Variants in VAT1L observed in about 807,000 individuals in gnomAD.
The protein encoded by VAT1L is vesicle amine transport 1 like.
In VAT1L, 34 loss-of-function variants were observed where a neutral mutation model predicts 44.1. The observed-to-expected ratio is 0.77, with a 90% CI of 0.59 to 1.03. VAT1L has a LOEUF of 1.03. Ranked by LOEUF, VAT1L falls within the 50% of genes least tolerant of loss-of-function variation. The probability of loss-of-function intolerance (pLI) is 0.00; values close to 1 mark genes in which losing one functional copy is unlikely to be tolerated. For missense variants in VAT1L, 615 were observed against 538.8 expected (o/e 1.14, Z -1.40); for synonymous variants, 253 against 202.2 (o/e 1.25, Z -2.13).
chr16:77,855,341 G>GA (rs747929473), intron 3 of VAT1L, among the ~76,000 whole-genome samples: 6,610 of 95,878 alleles, frequency 0.069, 388 homozygotes, highest in African/African-American at 0.19. Flanking sequence ...CTCCATCTCA[G>GA]AAAAAAAAAA....
At chr16:77,877,109 T>C (rs144605681) in intron 5 of VAT1L, among the ~76,000 whole-genome samples, 6 of 152,190 alleles carry the variant, frequency 3.9e-5, no homozygotes, top group Non-Finnish European at 5.9e-5. Flanking sequence ...AAGAGATGTA[T>C]GCAAAACAAC....
chr16:77,979,213 T>G lies in VAT1L; in HGVS notation c.*1518T>G, dbSNP rs2142552409. ...ATCCTAAGCTTATGATGATGAGTTATGTATGCCAAATACTTATCTGAAGAG... is the reference window on the plus strand; with the variant it reads ...ATCCTAAGCTTATGATGATGAGTTAGGTATGCCAAATACTTATCTGAAGAG... On this transcript the variant is annotated 3_prime_UTR_variant, in exon 9 of 9. Coordinates refer to ENST00000302536, the MANE Select transcript of VAT1L (RefSeq NM_020927.3). 2 of 152,720 alleles carry G rather than the reference T, an allele frequency of 1.3e-5. No individual in the cohort carries two copies. Among genetic ancestry groups the G allele is most frequent in the East Asian group, 3.9e-4 (2 of 5,164 alleles). 9.5% of individuals were successfully genotyped at this position (152,720 alleles called of 1,614,324 possible).
rs759520998 is a variant in VAT1L, at chr16:77,971,905, T to G, written c.1133T>G (p.Leu378Arg). Reference protein sequence around the residue: ...HDRGNIGKLILDVEKTPTPLM... With the variant: ...HDRGNIGKLIRDVEKTPTPLM... ...CGAGGGAACATTGGCAAGTTAATTCTGGATGTAGAAAAGACCCCAACTCCA... is the reference window on the plus strand; with the variant it reads ...CGAGGGAACATTGGCAAGTTAATTCGGGATGTAGAAAAGACCCCAACTCCA... The change falls in exon 8 of 9, where the codon CTG becomes CGG. Residue 378 changes from leucine (L) to arginine (R), a missense_variant. Transcript: ENST00000302536. 3.1e-6 allele frequency: 5 copies of G among 1,613,938 alleles called. No individual in the cohort carries two copies. Among genetic ancestry groups the G allele is most frequent in the Non-Finnish European group, 3.4e-6 (4 of 1,179,892 alleles).
intron 1 of VAT1L, among the ~76,000 whole-genome samples, chr16:77,794,305 C>T (rs1293035067): frequency 6.6e-6 from 1 of 152,128 alleles, no homozygotes. Flanking sequence ...CCCAAAACGG[C>T]CATTATGTTT....
Position 77,977,976 on chromosome 16 carries a change from C to A in VAT1L, c.*281C>A, listed in dbSNP as rs960321169. On this transcript the variant is annotated 3_prime_UTR_variant, in exon 9 of 9. Coordinates refer to ENST00000302536, the MANE Select transcript of VAT1L (RefSeq NM_020927.3). ...GTTCTTCTTGACAGTTCTAGAACAG[C>A]CTTGCAAATTAATACAAGTCCCAGG... 1 of 327,888 alleles carries A rather than the reference C, an allele frequency of 3.0e-6. No homozygotes were observed. Among genetic ancestry groups the A allele is most frequent in the Non-Finnish European group, 5.8e-6 (1 of 173,578 alleles). The allele number at this position is 327,888 out of a possible 1,614,324, so 20.3% of individuals were successfully genotyped here.
At chr16:77,899,126 C>T (rs1354376724) in intron 7 of VAT1L, among the ~76,000 whole-genome samples, 1 of 152,184 alleles carries the variant, frequency 6.6e-6, no homozygotes, top group Non-Finnish European at 1.5e-5. Flanking sequence ...TCATGGCAAT[C>T]CTGTAGGGAA....
intron 1 of VAT1L, among the ~76,000 whole-genome samples, chr16:77,810,831 C>A (rs1003563097): frequency 2.0e-5 from 3 of 152,196 alleles, no homozygotes; most frequent in African/African-American, 7.2e-5. Context: ...GGAAAAAGTA[C>A]TGTCTTCATA....
intron 7 of VAT1L, among the ~76,000 whole-genome samples, chr16:77,931,220 A>G (rs1216636290): frequency 6.6e-6 from 1 of 152,212 alleles, no homozygotes; most frequent in Non-Finnish European, 1.5e-5. Flanking sequence ...GGTGGGCATT[A>G]GGCAGCCTAG....
chr16:77,919,180 ATG>A (rs1049449912), intron 7 of VAT1L, among the ~76,000 whole-genome samples: 5 of 152,002 alleles, frequency 3.3e-5, no homozygotes, highest in African/African-American at 1.2e-4. Flanking sequence ...GTGCATGTGC[ATG>A]TGTGTGTGTG....
chr16:77,976,753 G>A (rs1419914450), intron 8 of VAT1L, among the ~76,000 whole-genome samples: 6 of 152,146 alleles, frequency 3.9e-5, no homozygotes, highest in African/African-American at 1.4e-4. Flanking sequence ...AAATTTATAA[G>A]GTAGGTGGAT....
At chr16:77,928,323 T>G (rs1448662671) in intron 7 of VAT1L, among the ~76,000 whole-genome samples, 2 of 152,210 alleles carry the variant, frequency 1.3e-5, no homozygotes, top group Non-Finnish European at 2.9e-5. Flanking sequence ...CTTAACACAC[T>G]TGTAAAAACT....
chr16:77,940,568 C>T (rs1464468608), intron 7 of VAT1L, among the ~76,000 whole-genome samples: 1 of 152,046 alleles, frequency 6.6e-6, no homozygotes, highest in Non-Finnish European at 1.5e-5. Context: ...TGGTCTTAAA[C>T]TCCTGACCAC....
At chr16:77,933,259 A>C (rs1053806718) in intron 7 of VAT1L, among the ~76,000 whole-genome samples, 1 of 152,216 alleles carries the variant, frequency 6.6e-6, no homozygotes, top group Non-Finnish European at 1.5e-5. Context: ...ATAGTTCAGC[A>C]TGGTAGAGTA....
At chr16:77,847,353 A>G (rs2016767846) in intron 3 of VAT1L, among the ~76,000 whole-genome samples, 1 of 152,152 alleles carries the variant, frequency 6.6e-6, no homozygotes, top group Non-Finnish European at 1.5e-5. Context: ...AACCAAAATA[A>G]TCACCTCTCC....
At chr16:77,825,956 G>C in intron 3 of VAT1L, among the ~76,000 whole-genome samples, 1 of 145,738 alleles carries the variant, frequency 6.9e-6, no homozygotes, top group African/African-American at 2.5e-5. Context: ...CCGGGAGGCA[G>C]AGCTTGCAGT....
intron 7 of VAT1L, among the ~76,000 whole-genome samples, chr16:77,928,098 G>T (rs1043845839): frequency 2.6e-5 from 4 of 152,052 alleles, no homozygotes; most frequent in African/African-American, 9.7e-5. Flanking sequence ...CATTTTCACA[G>T]CAGGCCTTAT....
intron 6 of VAT1L, among the ~76,000 whole-genome samples, chr16:77,882,905 C>G (rs151169348): frequency 2.6e-5 from 4 of 152,298 alleles, no homozygotes; most frequent in Admixed American, 2.0e-4. Context: ...GTGCCACAAA[C>G]CCTTGCCAGG....
chr16:77,969,428 G>C (rs1036039454), intron 7 of VAT1L, among the ~76,000 whole-genome samples: 11 of 151,964 alleles, frequency 7.2e-5, no homozygotes, highest in African/African-American at 2.4e-4. Flanking sequence ...GTGGTCGTTG[G>C]CAGGATTCAG....
chr16:77,925,111 T>G (rs1567510015), intron 7 of VAT1L, among the ~76,000 whole-genome samples: 3 of 152,154 alleles, frequency 2.0e-5, no homozygotes, highest in Non-Finnish European at 2.9e-5. Context: ...TAGTAGCTTT[T>G]GCCTTCCCTA....
Sources: gnomAD v4.1 joint callset for allele counts (sites outside exome capture counted in the v4.1 genomes callset) on GRCh38, gnomAD v4.1.1 for gene constraint, MANE v1.5 for transcripts, NCBI Gene and HGNC (gene_info 2026-07-23, HGNC 2026-07-21) for gene names.